Variants in NUMA1 observed in about 807,000 individuals in gnomAD.
NUMA1 encodes SP-H antigen.
In NUMA1, 62 loss-of-function variants were observed where a neutral mutation model predicts 237.1. That is an observed-to-expected ratio of 0.26 (90% CI 0.21 to 0.32). The LOEUF (loss-of-function observed/expected upper bound fraction) is 0.32, where lower values mean the gene tolerates loss of function less well. Ranked by LOEUF, NUMA1 falls within the 10% of genes least tolerant of loss-of-function variation. The probability of loss-of-function intolerance (pLI) is 1.00; values close to 1 mark genes in which losing one functional copy is unlikely to be tolerated. For synonymous variants in NUMA1, 1,028 were observed against 1,066.1 expected (o/e 0.96, Z 0.70); for missense variants, 2,533 against 2,666.5 (o/e 0.95, Z 1.10).
chr11:72,023,157 CAACA>C lies in NUMA1; in HGVS notation c.209-14_209-11del, dbSNP rs759634356. The C allele has an allele frequency of 1.3e-6, 2 of 1,599,674 alleles. No homozygotes were observed. The highest frequency in any genetic ancestry group is 4.5e-5 in the East Asian group (2 of 44,824). On this transcript the variant is annotated splice_polypyrimidine_tract_variant and intron_variant, in intron 5 of 26. Coordinates refer to ENST00000393695, the MANE Select transcript of NUMA1 (RefSeq NM_006185.4). ...GGATGTTTTCGATTTTCTGCAATGACAACAACGTAGAAAACAGGGTGAACTTCCT... is the reference window on the plus strand; with the variant it reads ...GGATGTTTTCGATTTTCTGCAATGACACGTAGAAAACAGGGTGAACTTCCT...
intron 2 of NUMA1, among the ~76,000 whole-genome samples, chr11:72,061,490 T>TTA (rs1942941011): frequency 2.6e-4 from 1 of 3,902 alleles, no homozygotes; most frequent in Non-Finnish European, 1.7e-3. Flanking sequence ...CTTTTCTTTT[T>TTA]TTTTTTTTTT....
chr11:72,038,630 A>G (rs1315998767), intron 2 of NUMA1, among the ~76,000 whole-genome samples: 1 of 152,042 alleles, frequency 6.6e-6, no homozygotes, highest in African/African-American at 2.4e-5. Flanking sequence ...CAGCCAGAGT[A>G]CCATCCTCCC....
chr11:72,053,617 G>C (rs117031328), intron 2 of NUMA1, among the ~76,000 whole-genome samples: 372 of 152,290 alleles, frequency 2.4e-3, no homozygotes, highest in Middle Eastern at 0.01. Context: ...AAGCTTTACA[G>C]AATGCAGTGC....
Position 72,018,947 on chromosome 11 carries a change from A to C in NUMA1, c.618T>G (p.Gly206=), listed in dbSNP as rs1278428792. Residue 206 remains glycine (G), a synonymous_variant, in exon 10 of 27, where the codon GGT becomes GGG. Transcript: ENST00000393695. ...FLSGSPASPM[G]DILQTPQFQM... ...GGAACTGTGGGGTCTGCAGGATATCACCCATGGGAGAAGCTGGAGAACCTG... is the reference window on the plus strand; with the variant it reads ...GGAACTGTGGGGTCTGCAGGATATCCCCCATGGGAGAAGCTGGAGAACCTG... 6.2e-7 allele frequency: 1 copy of C among 1,613,758 alleles called. No individual in the cohort carries two copies.
chr11:72,079,721 T>C (rs1054136799), intron 1 of NUMA1, among the ~76,000 whole-genome samples: 2 of 139,552 alleles, frequency 1.4e-5, no homozygotes, highest in African/African-American at 2.7e-5. Flanking sequence ...TGAGAGTCCA[T>C]GGATGAAAAA....
chr11:72,070,611 C>G (rs1416957055), intron 1 of NUMA1, among the ~76,000 whole-genome samples: 2 of 152,126 alleles, frequency 1.3e-5, no homozygotes, highest in African/African-American at 4.8e-5. Flanking sequence ...AGTTCCAGAC[C>G]AACCTGGGCA....
At position 72,024,332 on chromosome 11, in the gene NUMA1, C is replaced by T; in HGVS notation, c.150G>A (p.Gln50=). 2 of 1,614,202 alleles carry T rather than the reference C, an allele frequency of 1.2e-6. No individual in the cohort carries two copies. Among genetic ancestry groups the T allele is most frequent in the Non-Finnish European group, 1.7e-6 (2 of 1,180,002 alleles). The change falls in exon 5 of 27, where the codon CAG becomes CAA. Residue 50 remains glutamine (Q), a synonymous_variant. Transcript: ENST00000393695. ...IDRIHGTEEG[Q]QILKQPVSER... ...CTGACACCGGCTGCTTCAAGATTTGCTGTCCCTCTTCAGTGCCATGGCTAG... is the reference window on the plus strand; with the variant it reads ...CTGACACCGGCTGCTTCAAGATTTGTTGTCCCTCTTCAGTGCCATGGCTAG...
chr11:72,062,229 C>T (rs1381435763), intron 2 of NUMA1, among the ~76,000 whole-genome samples: 4 of 152,054 alleles, frequency 2.6e-5, no homozygotes. Flanking sequence ...GTTTCATTTC[C>T]TCTTACTTCA....
intron 16 of NUMA1, among the ~76,000 whole-genome samples, chr11:72,011,893 A>G (rs1237282813): frequency 1.3e-5 from 2 of 152,084 alleles, no homozygotes; most frequent in African/African-American, 4.8e-5. Flanking sequence ...GAGCCCCAGA[A>G]AGTGATGGGC....
intron 2 of NUMA1, chr11:72,049,560 A>AATATATATATATATAT (rs1555034472): frequency 7.1e-4 from 29 of 41,012 alleles, no homozygotes; most frequent in African/African-American, 2.1e-3. Flanking sequence ...AAATAATAAT[A>AATATATATATATATAT]ATATATATAT....
At chr11:72,033,913 G>C (rs568382576) in intron 3 of NUMA1, among the ~76,000 whole-genome samples, 95 of 152,150 alleles carry the variant, frequency 6.2e-4, no homozygotes, top group Non-Finnish European at 1.1e-3. Flanking sequence ...GAGGTCAGAA[G>C]TTTGAGACCA....
intron 21 of NUMA1, among the ~76,000 whole-genome samples, chr11:72,006,620 A>C (rs1248267387): frequency 6.6e-6 from 1 of 152,208 alleles, no homozygotes; most frequent in Non-Finnish European, 1.5e-5. Flanking sequence ...GCTAGGCCCC[A>C]TGTCTCCTGA....
chr11:72,013,904 T>C lies in NUMA1; in HGVS notation c.3599A>G (p.Gln1200Arg), dbSNP rs917352235. The change falls in exon 15 of 27, where the codon CAA becomes CGA. Residue 1200 changes from glutamine (Q) to arginine (R), a missense_variant. By Grantham distance (43) the Gln-to-Arg change is conservative. Coordinates refer to ENST00000393695, the MANE Select transcript of NUMA1 (RefSeq NM_006185.4). This position sits in a 1 kb window ranked among gnomAD's most constrained non-coding sequence, Gnocchi z 6.8. ...RELAAFRTKV[Q>R]DHSKAEDEWK... ...CTCATCTTCAGCCTTGCTGTGGTCTTGTACCTTGGTGCGGAAGGCAGCCAA... is the reference window on the plus strand; with the variant it reads ...CTCATCTTCAGCCTTGCTGTGGTCTCGTACCTTGGTGCGGAAGGCAGCCAA... 8.7e-6 allele frequency: 14 copies of C among 1,613,884 alleles called. No individual in the cohort carries two copies. The highest frequency in any genetic ancestry group is 1.2e-5 in the Non-Finnish European group (14 of 1,180,040).
chr11:72,066,416 A>C (rs1315825232), intron 2 of NUMA1: 1 of 152,218 alleles, frequency 6.6e-6, no homozygotes, highest in South Asian at 2.1e-4. Context: ...CAAATTTCTT[A>C]GCATAACGCT....
chr11:72,018,946 C>T lies in NUMA1; in HGVS notation c.619G>A (p.Asp207Asn). Residue 207 changes from aspartate (D) to asparagine (N), a missense_variant, in exon 10 of 27, where the codon GAT (aspartate) becomes AAT (asparagine). By Grantham distance (23) the Asp-to-Asn change is conservative. Transcript: ENST00000393695. ...LSGSPASPMG[D>N]ILQTPQFQMR... ...TGGAACTGTGGGGTCTGCAGGATAT[C>T]ACCCATGGGAGAAGCTGGAGAACCT... is the stretch of plus-strand genomic sequence containing the variant. The T allele has an allele frequency of 1.9e-6, 3 of 1,614,072 alleles. No individual in the cohort carries two copies. The highest frequency in any genetic ancestry group is 2.5e-6 in the Non-Finnish European group (3 of 1,180,012).
At chr11:72,074,194 C>CAAAACAAAAACAAAGACAAA (rs141971998) in intron 1 of NUMA1, among the ~76,000 whole-genome samples, 138,509 of 149,820 alleles carry the variant, frequency 0.92, 64,265 homozygotes, top group Non-Finnish European at 0.98. Flanking sequence ...AACTCCATCT[C>CAAAACAAAAACAAAGACAAA]AAAAAAAATT....
At chr11:72,079,866 G>A (rs1943983463) in intron 1 of NUMA1, among the ~76,000 whole-genome samples, 1 of 151,538 alleles carries the variant, frequency 6.6e-6, no homozygotes, top group African/African-American at 2.4e-5. Flanking sequence ...AAAATACACT[G>A]ACCAGTCCAA....
chr11:72,021,440 C>T (rs2135310818), intron 7 of NUMA1, 149 bp from the exon 8 acceptor site: 2 of 676,146 alleles, frequency 3.0e-6, no homozygotes, highest in East Asian at 5.4e-5. Flanking sequence ...GAGCTGAGGT[C>T]CTATGACCCA....
chr11:72,057,665 A>G (rs1237851091), intron 2 of NUMA1, among the ~76,000 whole-genome samples: 1 of 150,630 alleles, frequency 6.6e-6, no homozygotes, highest in Non-Finnish European at 1.5e-5. Context: ...AATTGCTTGA[A>G]CCCGGGAGGT....
Sources: allele counts gnomAD v4.1 joint callset (sites outside exome capture counted in the v4.1 genomes callset), GRCh38; gene constraint gnomAD v4.1.1; non-coding constraint Gnocchi (gnomAD v3.1); transcripts MANE v1.5; gene names NCBI Gene and HGNC (gene_info 2026-07-23, HGNC 2026-07-21).